The following LRP1B variants were observed in gnomAD, a reference collection of about 807,000 sequenced individuals.
LRP1B encodes the protein LDL receptor related protein 1B.
In LRP1B, 217 loss-of-function variants were observed where a neutral mutation model predicts 556.6. That is an observed-to-expected ratio of 0.39 (90% confidence interval 0.35 to 0.44). LRP1B has a LOEUF of 0.44. Ranked by LOEUF, LRP1B falls within the 20% of genes least tolerant of loss-of-function variation. The pLI, the probability that LRP1B is intolerant of heterozygous loss-of-function variation, is 1.00. For synonymous variants in LRP1B, 2,047 were observed against 1,865.8 expected (o/e 1.10, Z -2.50); for missense variants, 5,053 against 5,620.8 (o/e 0.90, Z 3.23).
rs547834305 is a variant in LRP1B, at chr2:140,889,037, C to T, written c.3767-2702G>A. ...GATTTAATAGTAAAATTATACCTTCCGATCTAATGTGAAAAAAAGTAAAAC... is the reference window on the plus strand; with the variant it reads ...GATTTAATAGTAAAATTATACCTTCTGATCTAATGTGAAAAAAAGTAAAAC... On this transcript the variant is annotated intron_variant, in intron 23 of 90. Transcript: ENST00000389484. Among the ~76,000 whole-genome samples, 9 of 151,622 alleles carry T rather than the reference C, an allele frequency of 5.9e-5. No individual in the cohort carries two copies. In the South Asian group the frequency reaches 6.3e-4, roughly 11 times the overall value.
At chr2:140,357,202 C>A (rs1440632961) in intron 74 of LRP1B, among the ~76,000 whole-genome samples, 4 of 151,580 alleles carry the variant, frequency 2.6e-5, no homozygotes, top group African/African-American at 9.7e-5. Context: ...TTACTTAAAT[C>A]AAATTTTTGA....
intron 43 of LRP1B, among the ~76,000 whole-genome samples, chr2:140,570,090 A>T (rs6430925): frequency 0.99 from 150,110 of 151,826 alleles, 74,231 homozygotes; most frequent in Middle Eastern, 1. Flanking sequence ...GTAGAAAGAT[A>T]TCAAATTAAC....
chr2:141,131,537 G>A (rs1340831764), intron 7 of LRP1B, among the ~76,000 whole-genome samples: 4 of 150,068 alleles, frequency 2.7e-5, no homozygotes, highest in Admixed American at 6.7e-5. Flanking sequence ...TTTCCAATGG[G>A]AAGAAAATAA....
chr2:140,813,526 C>T (rs1690999154), intron 32 of LRP1B, 131 bp downstream of exon 32: 6 of 726,038 alleles, frequency 8.3e-6, no homozygotes, highest in Non-Finnish European at 1.4e-5. Context: ...AAGAAAACCT[C>T]ATAGAAGTGT....
intron 2 of LRP1B, among the ~76,000 whole-genome samples, chr2:141,601,404 A>T (rs1173518252): frequency 6.6e-6 from 1 of 152,196 alleles, no homozygotes; most frequent in African/African-American, 2.4e-5. Flanking sequence ...ATGAATGCAG[A>T]CAAATCACTT....
Position 141,049,218 on chromosome 2 carries a change from T to C in LRP1B, c.1557A>G (p.Pro519=), listed in dbSNP as rs750150342. The change falls in exon 11 of 91, where the codon CCA becomes CCG. Residue 519 remains proline, a synonymous_variant. Transcript: ENST00000389484. ...LGSDGRSCKR[P]KNELFLFYGK... ...CATAAAAGAGGAACAACTCATTCTT[T>C]GGTCCTGCAGAGGAAAGATTACAAA... 39 of 1,602,472 alleles carry C rather than the reference T, an allele frequency of 2.4e-5. No homozygotes were observed. The highest frequency in any genetic ancestry group is 3.3e-5 in the Non-Finnish European group (39 of 1,169,744).
intron 1 of LRP1B, among the ~76,000 whole-genome samples, chr2:141,874,888 C>T (rs1203510723): frequency 6.6e-6 from 1 of 151,882 alleles, no homozygotes; most frequent in Non-Finnish European, 1.5e-5. Flanking sequence ...GAACTTTATA[C>T]ATTTAACTGT....
chr2:140,316,135 G>A (rs6706963), intron 82 of LRP1B, among the ~76,000 whole-genome samples: 138 of 152,232 alleles, frequency 9.1e-4, no homozygotes, highest in African/African-American at 3.1e-3. Context: ...GGCCTTCTCC[G>A]TTAGAAATGC....
chr2:141,074,589 C>CTCTACA (rs10643830), intron 7 of LRP1B, among the ~76,000 whole-genome samples: 1 of 136,476 alleles, frequency 7.3e-6, no homozygotes, highest in African/African-American at 2.7e-5. Flanking sequence ...CTCTCTCTCT[C>CTCTACA]TATATATATA....
intron 1 of LRP1B, among the ~76,000 whole-genome samples, chr2:142,080,427 A>C (rs762142411): frequency 6.6e-5 from 10 of 152,152 alleles, no homozygotes; most frequent in African/African-American, 1.7e-4. Flanking sequence ...TGGGGTTTTT[A>C]AAGGGATTTT....
intron 7 of LRP1B, among the ~76,000 whole-genome samples, chr2:141,091,401 A>G (rs1208884085): frequency 6.6e-6 from 1 of 152,218 alleles, no homozygotes; most frequent in African/African-American, 2.4e-5. Context: ...ATAATGATAA[A>G]AAACAAAAAC....
intron 25 of LRP1B, among the ~76,000 whole-genome samples, chr2:140,869,784 G>T (rs1370761499): frequency 6.6e-6 from 1 of 152,014 alleles, no homozygotes; most frequent in Non-Finnish European, 1.5e-5. Context: ...TTGTGTATAG[G>T]GGTTCCACTA....
intron 3 of LRP1B, among the ~76,000 whole-genome samples, chr2:141,412,952 C>G (rs147531214): frequency 8.0e-4 from 122 of 152,214 alleles, no homozygotes; most frequent in Non-Finnish European, 1.0e-4. Context: ...GGAGGCCAGT[C>G]TTGGTGGCTC....
intron 66 of LRP1B, among the ~76,000 whole-genome samples, chr2:140,388,995 G>A (rs1248968055): frequency 6.6e-6 from 1 of 152,030 alleles, no homozygotes; most frequent in Non-Finnish European, 1.5e-5. Flanking sequence ...ATATTTCCAT[G>A]TTATATTACC....
intron 1 of LRP1B, among the ~76,000 whole-genome samples, chr2:141,926,316 G>A (rs1296673546): frequency 6.6e-6 from 1 of 152,094 alleles, no homozygotes; most frequent in Non-Finnish European, 1.5e-5. Flanking sequence ...CACAGCTTTA[G>A]GTCTTGTGAC....
intron 7 of LRP1B, among the ~76,000 whole-genome samples, chr2:141,180,565 G>A (rs960526369): frequency 1.3e-5 from 2 of 151,836 alleles, no homozygotes; most frequent in Non-Finnish European, 2.9e-5. Flanking sequence ...CAAAAGTGCT[G>A]GAGAATATAA....
intron 41 of LRP1B, among the ~76,000 whole-genome samples, chr2:140,639,361 T>G (rs2105294432): frequency 6.6e-6 from 1 of 152,286 alleles, no homozygotes; most frequent in Admixed American, 6.5e-5. Context: ...CGTATTTTCT[T>G]TTTTACCATG....
chr2:140,288,308 T>C (rs1386043552), intron 84 of LRP1B, among the ~76,000 whole-genome samples: 3 of 151,792 alleles, frequency 2.0e-5, no homozygotes, highest in South Asian at 4.1e-4. Flanking sequence ...TACCAGTTTG[T>C]AGTGATTAAA....
chr2:141,519,743 G>C (rs979416966), intron 2 of LRP1B, among the ~76,000 whole-genome samples: 6 of 151,994 alleles, frequency 3.9e-5, no homozygotes, highest in African/African-American at 1.4e-4. Flanking sequence ...TGTGTTGGCT[G>C]TAAGGAAAAC....
Sources: allele counts gnomAD v4.1 joint callset (sites outside exome capture counted in the v4.1 genomes callset), GRCh38; gene constraint gnomAD v4.1.1; transcripts MANE v1.5; gene names NCBI Gene and HGNC (gene_info 2026-07-23, HGNC 2026-07-21).